DMRT1: variants seen among roughly 807,000 people sequenced by gnomAD.
DMRT1 encodes doublesex- and mab-3-related transcription factor 1.
A neutral mutation model predicts 32.3 loss-of-function variants in DMRT1; 7 were observed. That is an observed-to-expected ratio of 0.22 (90% CI 0.12 to 0.41). The LOEUF is 0.41. DMRT1 is among the 10% of genes least tolerant of loss of function. The pLI, the probability that DMRT1 is intolerant of heterozygous loss-of-function variation, is 1.00. For missense variants in DMRT1, 625 were observed against 500.5 expected (o/e 1.25, Z -2.37); for synonymous variants, 278 against 206.1 (o/e 1.35, Z -2.99).
chr9:907,761 C>A (rs1239588477), intron 3 of DMRT1, among the ~76,000 whole-genome samples: 2 of 152,070 alleles, frequency 1.3e-5, no homozygotes, highest in Non-Finnish European at 2.9e-5. Flanking sequence ...ATATACAGTT[C>A]TCTTTTATTC....
At chr9:877,565 C>T (rs1390867941) in intron 2 of DMRT1, among the ~76,000 whole-genome samples, 1 of 152,200 alleles carries the variant, frequency 6.6e-6, no homozygotes, top group Non-Finnish European at 1.5e-5. Context: ...AGGGAATCTG[C>T]ACATCTCATT....
chr9:897,790 C>T (rs542755020), intron 3 of DMRT1, among the ~76,000 whole-genome samples: 2 of 152,058 alleles, frequency 1.3e-5, no homozygotes, highest in African/African-American at 2.4e-5. Flanking sequence ...CGTTAGCTAC[C>T]TCAGATCCCC....
At position 847,051 on chromosome 9, in the gene DMRT1, G is replaced by C. The variant is rs568893758; in HGVS notation, c.446G>C (p.Arg149Thr). ...AGTGCGGCCGAGCTGCTTGTCAAAAGAGAGAACAATGGCAGTAACCCGTGC... is the reference window on the plus strand; with the variant it reads ...AGTGCGGCCGAGCTGCTTGTCAAAACAGAGAACAATGGCAGTAACCCGTGC... Reference protein sequence around the residue: ...LPSAAELLVKRENNGSNPCLM... With the variant: ...LPSAAELLVKTENNGSNPCLM... Residue 149 changes from arginine to threonine, a missense_variant, in exon 2 of 5, where the codon AGA (arginine) becomes ACA (threonine). By Grantham distance (71) the Arg-to-Thr change is moderately conservative. Around this residue, in one of 3 missense-constraint regions of DMRT1, gnomAD observed 416 missense variants for 321.6 expected, o/e 1.29. Coordinates refer to ENST00000382276, the MANE Select transcript of DMRT1 (RefSeq NM_021951.3). 6 of 1,614,136 alleles carry C rather than the reference G, an allele frequency of 3.7e-6. No individual in the cohort carries two copies. The highest frequency in any genetic ancestry group is 5.1e-6 in the Non-Finnish European group (6 of 1,180,046).
chr9:858,288 A>G (rs1815490307), intron 2 of DMRT1, among the ~76,000 whole-genome samples: 1 of 152,052 alleles, frequency 6.6e-6, no homozygotes, highest in Non-Finnish European at 1.5e-5. Context: ...GACACTAGGT[A>G]TTGTCCTTGT....
intron 1 of DMRT1, among the ~76,000 whole-genome samples, chr9:843,807 A>T (rs1838792139): frequency 6.6e-6 from 1 of 152,232 alleles, no homozygotes; most frequent in Non-Finnish European, 1.5e-5. Flanking sequence ...TATATAATAT[A>T]TCAGATTTTT....
chr9:937,545 G>A (rs889947347), intron 4 of DMRT1, among the ~76,000 whole-genome samples: 1 of 152,072 alleles, frequency 6.6e-6, no homozygotes, highest in South Asian at 2.1e-4. Flanking sequence ...CTTCCTAATG[G>A]GTGTAAAGTG....
intron 4 of DMRT1, among the ~76,000 whole-genome samples, chr9:949,833 C>T (rs1375340787): frequency 1.3e-5 from 2 of 152,192 alleles, no homozygotes; most frequent in Non-Finnish European, 2.9e-5. Context: ...CCGTGTCTGG[C>T]TTATTTCACT....
chr9:891,501 C>T (rs1320075650), intron 2 of DMRT1, among the ~76,000 whole-genome samples: 1 of 151,076 alleles, frequency 6.6e-6, no homozygotes, highest in African/African-American at 2.4e-5. Flanking sequence ...CTTATGACTC[C>T]CTGGAGGTTT....
chr9:936,294 A>G (rs1818883462), intron 4 of DMRT1, among the ~76,000 whole-genome samples: 2 of 152,174 alleles, frequency 1.3e-5, no homozygotes, highest in South Asian at 4.1e-4. Flanking sequence ...GGTAGGACAT[A>G]GATATTGCAG....
intron 4 of DMRT1, among the ~76,000 whole-genome samples, chr9:941,336 C>CA (rs554509544): frequency 2.5e-5 from 3 of 118,216 alleles, no homozygotes; most frequent in South Asian, 2.4e-4. Flanking sequence ...CCCTCCCCCC[C>CA]CCCACACATA....
intron 3 of DMRT1, among the ~76,000 whole-genome samples, chr9:902,786 G>T (rs1012972862): frequency 5.3e-5 from 8 of 152,116 alleles, no homozygotes; most frequent in African/African-American, 1.9e-4. Context: ...ACCATGCCCA[G>T]CTTTCCGCTC....
At chr9:921,434 A>G (rs553711434) in intron 4 of DMRT1, among the ~76,000 whole-genome samples, 9 of 152,200 alleles carry the variant, frequency 5.9e-5, no homozygotes, top group Non-Finnish European at 1.3e-4. Flanking sequence ...GGGTAATGTG[A>G]ATAGTGCTGC....
At chr9:950,744 G>A (rs527300076) in intron 4 of DMRT1, among the ~76,000 whole-genome samples, 1 of 152,208 alleles carries the variant, frequency 6.6e-6, no homozygotes, top group Admixed American at 6.5e-5. Flanking sequence ...GCATCTCCTA[G>A]CCCCGACTCA....
chr9:847,088 G>A lies in DMRT1; in HGVS notation c.483G>A (p.Glu161=), dbSNP rs769812676. 1.1e-5 allele frequency: 17 copies of A among 1,613,752 alleles called. No homozygotes were observed. The Admixed American group carries it at 2.7e-4, about 25-fold the overall frequency. Residue 161 remains glutamate (E), a synonymous_variant, in exon 2 of 5, where the codon GAG becomes GAA. Coordinates refer to ENST00000382276, the MANE Select transcript of DMRT1 (RefSeq NM_021951.3). ...GCAGTAACCCGTGCCTCATGACTGA[G>A]TGCAGTGGCACCTCTCAGCCACCGC... ...NNGSNPCLMT[E]CSGTSQPPPA...
intron 2 of DMRT1, among the ~76,000 whole-genome samples, chr9:856,542 A>G (rs1049489359): frequency 1.3e-5 from 2 of 152,218 alleles, no homozygotes; most frequent in Non-Finnish European, 2.9e-5. Flanking sequence ...TTCTAAGTTT[A>G]TCCATGTTGT....
intron 2 of DMRT1, among the ~76,000 whole-genome samples, chr9:853,714 A>G (rs1418636135): frequency 6.6e-6 from 1 of 152,106 alleles, no homozygotes; most frequent in Admixed American, 6.6e-5. Context: ...CATGTTGGCC[A>G]GGTTGGTCTT....
chr9:936,809 C>T (rs567991819), intron 4 of DMRT1, among the ~76,000 whole-genome samples: 124 of 150,430 alleles, frequency 8.2e-4, no homozygotes, highest in Non-Finnish European at 1.2e-3. Flanking sequence ...TTTCTTATTA[C>T]ATTTTTTCTT....
At chr9:898,190 G>A (rs1472898420) in intron 3 of DMRT1, among the ~76,000 whole-genome samples, 2 of 151,808 alleles carry the variant, frequency 1.3e-5, no homozygotes, top group Non-Finnish European at 2.9e-5. Flanking sequence ...CGTGATCTTG[G>A]CTCACTGCAA....
chr9:874,603 C>T (rs991842698), intron 2 of DMRT1, among the ~76,000 whole-genome samples: 1 of 152,116 alleles, frequency 6.6e-6, no homozygotes, highest in Non-Finnish European at 1.5e-5. Flanking sequence ...GGCCATGATG[C>T]CTGAAAGGAA....
Sources: gnomAD v4.1 joint callset for allele counts (sites outside exome capture counted in the v4.1 genomes callset) on GRCh38, gnomAD v4.1.1 for gene constraint, gnomAD v4.1.1 regional missense constraint, MANE v1.5 for transcripts, NCBI Gene and HGNC (gene_info 2026-07-23, HGNC 2026-07-21) for gene names.